The following SPOCK3 variants were observed in gnomAD, a reference collection of about 807,000 sequenced individuals.
SPOCK3 encodes testican-3.
Under a neutral mutation model 56.6 loss-of-function variants are expected in SPOCK3, and 30 were observed. The ratio of observed to expected loss-of-function variants is 0.53; its 90% CI spans 0.40 to 0.72. SPOCK3 has a LOEUF of 0.72. SPOCK3 is among the 30% of genes least tolerant of loss of function. The pLI is 0.00. For missense variants in SPOCK3, 527 were observed against 530.0 expected (o/e 0.99, Z 0.06); for synonymous variants, 196 against 183.3 (o/e 1.07, Z -0.56).
intron 3 of SPOCK3, among the ~76,000 whole-genome samples, chr4:167,033,983 G>A (rs1187499860): frequency 3.3e-5 from 5 of 151,986 alleles, no homozygotes; most frequent in Admixed American, 2.6e-4. Flanking sequence ...CTGGACTTCA[G>A]AGTCCTATCC....
intron 6 of SPOCK3, among the ~76,000 whole-genome samples, chr4:166,844,079 C>G (rs1464219115): frequency 2.6e-5 from 4 of 152,186 alleles, no homozygotes; most frequent in Non-Finnish European, 5.9e-5. Flanking sequence ...TGCGGCTGAG[C>G]CAGCCCAGAC....
At chr4:166,966,014 G>A (rs1744693833) in intron 4 of SPOCK3, among the ~76,000 whole-genome samples, 1 of 151,912 alleles carries the variant, frequency 6.6e-6, no homozygotes, top group African/African-American at 2.4e-5. Flanking sequence ...CCTTCCTTCA[G>A]ACCCTGGCAA....
chr4:166,747,650 G>A (rs1307458768), intron 8 of SPOCK3, among the ~76,000 whole-genome samples: 1 of 152,122 alleles, frequency 6.6e-6, no homozygotes, highest in Non-Finnish European at 1.5e-5. Context: ...TCAGGCAGGA[G>A]AAGGAAATAA....
intron 4 of SPOCK3, among the ~76,000 whole-genome samples, chr4:166,983,355 T>C (rs1405842170): frequency 6.6e-6 from 1 of 152,120 alleles, no homozygotes; most frequent in Admixed American, 6.5e-5. Context: ...TTTCAGACTT[T>C]AATAGTCACA....
intron 2 of SPOCK3, among the ~76,000 whole-genome samples, chr4:167,128,163 CT>C (rs1264554287): frequency 3.9e-5 from 6 of 152,010 alleles, no homozygotes; most frequent in Non-Finnish European, 7.4e-5. Context: ...TTAGATAGAC[CT>C]TCTCACTTTT....
intron 2 of SPOCK3, among the ~76,000 whole-genome samples, chr4:167,103,312 C>T (rs535584528): frequency 6.6e-6 from 1 of 152,240 alleles, no homozygotes; most frequent in South Asian, 2.1e-4. Context: ...GTCTCAGATG[C>T]TAGGCCTTAG....
chr4:166,842,224 G>A (rs1043077041), intron 6 of SPOCK3, among the ~76,000 whole-genome samples: 2 of 152,200 alleles, frequency 1.3e-5, no homozygotes, highest in African/African-American at 2.4e-5. Flanking sequence ...CCACGGTGAG[G>A]AAGAGGACTT....
intron 2 of SPOCK3, among the ~76,000 whole-genome samples, chr4:167,175,494 C>G (rs1466718547): frequency 6.6e-6 from 1 of 152,096 alleles, no homozygotes; most frequent in Non-Finnish European, 1.5e-5. Context: ...AAAGCCTAAG[C>G]CCCAGTACTT....
At chr4:166,746,950 T>C (rs1467752641) in intron 8 of SPOCK3, among the ~76,000 whole-genome samples, 1 of 152,120 alleles carries the variant, frequency 6.6e-6, no homozygotes, top group Non-Finnish European at 1.5e-5. Flanking sequence ...GTTGAATCCC[T>C]GAATAGACCA....
chr4:166,843,129 C>T (rs983202915), intron 6 of SPOCK3, among the ~76,000 whole-genome samples: 4 of 152,174 alleles, frequency 2.6e-5, no homozygotes, highest in East Asian at 1.9e-4. Flanking sequence ...CCGCCAAGCC[C>T]GTGCCCACCC....
intron 2 of SPOCK3, among the ~76,000 whole-genome samples, chr4:167,161,655 G>A (rs1217347935): frequency 6.6e-6 from 1 of 152,126 alleles, no homozygotes. Context: ...GTGCAACAAT[G>A]ATAGACTGGA....
At chr4:167,008,266 T>G (rs1579979294) in intron 3 of SPOCK3, among the ~76,000 whole-genome samples, 1 of 152,140 alleles carries the variant, frequency 6.6e-6, no homozygotes, top group East Asian at 1.9e-4. Flanking sequence ...GTTTTATATG[T>G]GATTCTTATA....
chr4:166,918,466 G>A (rs898537227), intron 4 of SPOCK3: 1 of 152,032 alleles, frequency 6.6e-6, no homozygotes, highest in Non-Finnish European at 1.5e-5. Context: ...GATAGGTTCA[G>A]GGTGGTATAG....
chr4:166,964,165 T>C (rs949092424), intron 4 of SPOCK3, among the ~76,000 whole-genome samples: 2 of 151,666 alleles, frequency 1.3e-5, no homozygotes, highest in African/African-American at 2.4e-5. Context: ...GGATAAACAG[T>C]CCTGTATTTT....
At chr4:167,105,031 A>T (rs1759978573) in intron 2 of SPOCK3, among the ~76,000 whole-genome samples, 1 of 152,110 alleles carries the variant, frequency 6.6e-6, no homozygotes. Flanking sequence ...CAAATATGAA[A>T]GAGAAATAAA....
chr4:166,798,991 A>C (rs998053270), intron 6 of SPOCK3, among the ~76,000 whole-genome samples: 1 of 152,244 alleles, frequency 6.6e-6, no homozygotes, highest in Non-Finnish European at 1.5e-5. Flanking sequence ...AAGAACTTTC[A>C]TCCCTAAGAA....
At chr4:167,229,422 A>T (rs1337528434) in intron 2 of SPOCK3, among the ~76,000 whole-genome samples, 5 of 152,236 alleles carry the variant, frequency 3.3e-5, no homozygotes, top group African/African-American at 1.2e-4. Context: ...CTGTAGAGCC[A>T]TAGAATACTT....
At chr4:166,783,898 A>T (rs949597660) in intron 7 of SPOCK3, among the ~76,000 whole-genome samples, 1 of 152,134 alleles carries the variant, frequency 6.6e-6, no homozygotes, top group South Asian at 2.1e-4. Flanking sequence ...TTGACTAAAT[A>T]TATGTGGTAA....
intron 2 of SPOCK3, among the ~76,000 whole-genome samples, chr4:167,130,393 TGG>T (rs1047221021): frequency 1.3e-5 from 2 of 152,134 alleles, no homozygotes; most frequent in Admixed American, 6.5e-5. Flanking sequence ...ACATAACTAG[TGG>T]GTAATATATG....
Sources: gnomAD v4.1 joint callset for allele counts (sites outside exome capture counted in the v4.1 genomes callset) on GRCh38, gnomAD v4.1.1 for gene constraint, MANE v1.5 for transcripts, NCBI Gene and HGNC (gene_info 2026-07-23, HGNC 2026-07-21) for gene names.